ASS1: variants seen among roughly 807,000 people sequenced by gnomAD.
The protein encoded by ASS1 is argininosuccinate synthase 1.
In ASS1, 58 loss-of-function variants were observed where a neutral mutation model predicts 60.5. That is an observed-to-expected ratio of 0.96 (90% CI 0.78 to 1.19). The LOEUF is 1.19. Ranked by LOEUF, ASS1 falls within the 50% of genes most tolerant of loss-of-function variation. The pLI is 0.00. For missense variants in ASS1, 454 were observed against 547.3 expected (o/e 0.83, Z 1.70); for synonymous variants, 200 against 206.9 (o/e 0.97, Z 0.29).
rs577627504 is a variant in ASS1 at position 130,470,838 on chromosome 9, A to G, written c.500A>G (p.His167Arg). 1.2e-6 allele frequency: 2 copies of G among 1,614,034 alleles called. No homozygotes were observed. The highest frequency in any genetic ancestry group is 2.2e-5 in the East Asian group (1 of 44,874). The change falls in exon 7 of 15, where the codon CAC (histidine) becomes CGC (arginine). Residue 167 changes from histidine to arginine, a missense_variant. Physicochemically the swap from His to Arg is conservative, Grantham distance 29 (BLOSUM62 0). Coordinates refer to ENST00000352480, the MANE Select transcript of ASS1 (RefSeq NM_054012.4). This position sits in a 1 kb window ranked among gnomAD's most constrained non-coding sequence, Gnocchi z 4.3. ...RNDLMEYAKQ[H>R]GIPIPVTPKN... ...TGTGCTGTCTCTTTCCTGCAGCAAC[A>G]CGGGATTCCCATCCCGGTCACTCCC...
intron 13 of ASS1, among the ~76,000 whole-genome samples, chr9:130,496,280 G>A (rs1846600390): frequency 6.6e-6 from 1 of 151,904 alleles, no homozygotes; most frequent in Non-Finnish European, 1.5e-5. Context: ...AATTAGCTAA[G>A]CGTGGTGGCA....
At chr9:130,454,625 T>G (rs1172926998) in intron 3 of ASS1, among the ~76,000 whole-genome samples, 1 of 152,172 alleles carries the variant, frequency 6.6e-6, no homozygotes, top group East Asian at 1.9e-4. Context: ...TTCTCTTTTA[T>G]CTCTCTGTCC....
At chr9:130,499,394 G>A in intron 13 of ASS1, 111 bp from the exon 14 acceptor site, 2 of 1,143,314 alleles carry the variant, frequency 1.7e-6, no homozygotes, top group South Asian at 2.6e-5. Context: ...GACCCACACA[G>A]GGGAAATGCC....
intron 10 of ASS1, among the ~76,000 whole-genome samples, 186 bp from the exon 11 acceptor site, chr9:130,480,199 T>G (rs532292665): frequency 2.4e-4 from 37 of 152,334 alleles, no homozygotes; most frequent in African/African-American, 8.4e-4. Context: ...TGGGCCTCAG[T>G]TTCCCCACCT....
intron 5 of ASS1, 121 bp from the exon 6 acceptor site, chr9:130,466,604 T>C: frequency 1.1e-6 from 1 of 909,810 alleles, no homozygotes; most frequent in East Asian, 2.6e-5. Context: ...CAGCATCCTC[T>C]CTGGGGACAT....
intron 3 of ASS1, 150 bp downstream of exon 3, chr9:130,454,523 C>G: frequency 2.2e-6 from 2 of 921,684 alleles, no homozygotes; most frequent in South Asian, 3.3e-5. Flanking sequence ...GGTGTGTGAA[C>G]CCTCTTGTTT....
rs566493841 is a variant in ASS1 at position 130,488,299 on chromosome 9, A to G, written c.839-1034A>G. Reference sequence around the variant, plus strand: ...CTTTTAGTGATGTAACGTATGGTGGAAGAAAGGAAGCTCTCGGGGTAGAAT... The same window carrying G: ...CTTTTAGTGATGTAACGTATGGTGGGAGAAAGGAAGCTCTCGGGGTAGAAT... On this transcript the variant is annotated intron_variant, in intron 11 of 14. Transcript: ENST00000352480. This position sits in a 1 kb window ranked among gnomAD's most constrained non-coding sequence, Gnocchi z 5.2. Among the ~76,000 whole-genome samples the G allele has an allele frequency of 2.0e-5, 3 of 152,116 alleles. No individual in the cohort carries two copies. The South Asian group carries it at 6.2e-4, about 32-fold the overall frequency.
intron 11 of ASS1, among the ~76,000 whole-genome samples, chr9:130,482,689 C>T (rs959220933): frequency 6.6e-5 from 10 of 152,286 alleles, no homozygotes; most frequent in South Asian, 2.1e-4. Context: ...CAGCATTCCA[C>T]GGAGGCTGGA....
At chr9:130,449,862 G>A (rs1162691194) in intron 1 of ASS1, among the ~76,000 whole-genome samples, 2 of 152,214 alleles carry the variant, frequency 1.3e-5, no homozygotes, top group Admixed American at 6.5e-5. Flanking sequence ...GATTATTTTT[G>A]TAGTTGATGA....
chr9:130,461,381 GGCC>G (rs1845589216), intron 4 of ASS1, among the ~76,000 whole-genome samples: 2 of 136,980 alleles, frequency 1.5e-5, no homozygotes, highest in Non-Finnish European at 3.3e-5. Context: ...AGGCCTTGGG[GGCC>G]GACAAAGGCG....
At chr9:130,452,932 G>A (rs903263098) in intron 2 of ASS1, among the ~76,000 whole-genome samples, 11 of 152,182 alleles carry the variant, frequency 7.2e-5, no homozygotes, top group East Asian at 5.8e-4. Context: ...GGACTCTTAG[G>A]TGCAAATTTT....
intron 4 of ASS1, among the ~76,000 whole-genome samples, 191 bp from the exon 5 acceptor site, chr9:130,463,920 T>C (rs1845664247): frequency 1.3e-5 from 2 of 152,014 alleles, no homozygotes; most frequent in Non-Finnish European, 2.9e-5. Context: ...TACTCTGCCA[T>C]GTCCCCAGAC....
At chr9:130,472,823 T>C (rs923318114) in intron 8 of ASS1, among the ~76,000 whole-genome samples, 1 of 152,150 alleles carries the variant, frequency 6.6e-6, no homozygotes, top group African/African-American at 2.4e-5. Context: ...CAGGGCATCC[T>C]CTCAGGCCCG....
chr9:130,497,698 T>C (rs1846638880), intron 13 of ASS1, among the ~76,000 whole-genome samples: 1 of 151,960 alleles, frequency 6.6e-6, no homozygotes, highest in Non-Finnish European at 1.5e-5. Flanking sequence ...GGGAACGGGA[T>C]GGGGAGAGTT....
chr9:130,446,532 A>AGT (rs1845200624), intron 1 of ASS1, among the ~76,000 whole-genome samples: 1 of 152,116 alleles, frequency 6.6e-6, no homozygotes, highest in African/African-American at 2.4e-5. Context: ...GTGAATGAAT[A>AGT]GTGACTCCTG....
At chr9:130,468,566 T>C (rs574469373) in intron 6 of ASS1, among the ~76,000 whole-genome samples, 14 of 152,238 alleles carry the variant, frequency 9.2e-5, no homozygotes, top group South Asian at 6.2e-4. Flanking sequence ...CGTGCCCTAG[T>C]ACATCTGGCT....
intron 11 of ASS1, among the ~76,000 whole-genome samples, chr9:130,487,971 T>C (rs1588502488): frequency 6.6e-6 from 1 of 152,092 alleles, no homozygotes; most frequent in African/African-American, 2.4e-5. Context: ...GCCAGGCTGG[T>C]CTTGAACTCC....
At chr9:130,458,378 C>T in intron 3 of ASS1, 23 bp from the exon 4 acceptor site, 1 of 1,611,956 alleles carries the variant, frequency 6.2e-7, no homozygotes, top group Non-Finnish European at 8.5e-7. Context: ...CTACTTCTTC[C>T]TTCTGGGCTC....
chr9:130,483,333 G>T (rs1284694777), intron 11 of ASS1, among the ~76,000 whole-genome samples: 2 of 148,290 alleles, frequency 1.3e-5, no homozygotes, highest in Non-Finnish European at 3.0e-5. Flanking sequence ...ATTCGTTAAG[G>T]GCTGATTTTT....
Sources: allele counts gnomAD v4.1 joint callset (sites outside exome capture counted in the v4.1 genomes callset), GRCh38; gene constraint gnomAD v4.1.1; non-coding constraint Gnocchi (gnomAD v3.1); transcripts MANE v1.5; gene names NCBI Gene and HGNC (gene_info 2026-07-23, HGNC 2026-07-21).